Variants in EDDM13 observed in about 807,000 individuals in gnomAD.
EDDM13 encodes the protein epididymal protein 13.
In EDDM13, 24 loss-of-function variants were observed where a neutral mutation model predicts 17.8. That is an observed-to-expected ratio of 1.35 (90% CI 0.98 to 1.90). The LOEUF (loss-of-function observed/expected upper bound fraction) is 1.90, where lower values mean the gene tolerates loss of function less well. EDDM13 is among the 40% of genes most tolerant of loss of function. The pLI is 0.00. For synonymous variants in EDDM13, 31 were observed against 37.5 expected (o/e 0.83, Z 0.63); for missense variants, 97 against 100.8 (o/e 0.96, Z 0.16).
rs147221839 is a variant in EDDM13 at position 56,289,760 on chromosome 19, C to G, written c.226+869C>G. Among the ~76,000 whole-genome samples, 681 of 152,208 alleles carry G rather than the reference C, an allele frequency of 4.5e-3. 8 individuals are homozygous for G. Among genetic ancestry groups the G allele is most frequent in the African/African-American group, 0.016 (654 of 41,530 alleles). ...TCCTGAGTAGCTGAGACTACAGGTG[C>G]ACACCACCATACCCAGCTAATATTT... On this transcript the variant is annotated intron_variant, in intron 8 of 14. Coordinates refer to ENST00000649256, the MANE Select transcript of EDDM13 (RefSeq NM_001354658.2).
rs181987194 is a variant in EDDM13 at position 56,277,016 on chromosome 19, T to C, written c.103+907T>C. ...TCAACCTCATTAGCCATCAGAAAAA[T>C]GGAAGCCAAAGCCACAGTGAGGTAT... On this transcript the variant is annotated intron_variant, in intron 2 of 14. Transcript: ENST00000649256. Among the ~76,000 whole-genome samples the C allele has an allele frequency of 1.4e-3, 216 of 151,966 alleles. 4 individuals are homozygous for C. The South Asian group carries it at 0.031, about 22-fold the overall frequency.
At chr19:56,290,411 T>C (rs2039434249) in intron 8 of EDDM13, among the ~76,000 whole-genome samples, 1 of 152,256 alleles carries the variant, frequency 6.6e-6, no homozygotes, top group Non-Finnish European at 1.5e-5. Flanking sequence ...ATTTACTGTC[T>C]GACCCTTTAG....
intron 4 of EDDM13, 99 bp downstream of exon 4, chr19:56,282,598 C>A: frequency 2.9e-6 from 2 of 697,250 alleles, no homozygotes; most frequent in Non-Finnish European, 3.5e-6. Context: ...CTTCTCTGGT[C>A]TGTTCACAGC....
At chr19:56,284,052 C>G (rs2038917988) in intron 4 of EDDM13, 146 bp from the exon 5 acceptor site, 1 of 351,670 alleles carries the variant, frequency 2.8e-6, no homozygotes, top group African/African-American at 2.2e-5. Flanking sequence ...ATTCTACTTC[C>G]CAATCTGTTC....
chr19:56,302,590 T>C (rs2040387526), intron 13 of EDDM13, among the ~76,000 whole-genome samples: 1 of 34,214 alleles, frequency 2.9e-5, no homozygotes, highest in Non-Finnish European at 4.7e-5. Context: ...CCCCTTTTCT[T>C]CCTCTCCCTC....
chr19:56,289,218 C>T (rs1040946547), intron 8 of EDDM13, among the ~76,000 whole-genome samples: 1 of 152,172 alleles, frequency 6.6e-6, no homozygotes, highest in African/African-American at 2.4e-5. Flanking sequence ...TGGACAATTC[C>T]TAAATTTTAG....
rs1406422829 is a variant in EDDM13 at position 56,282,651 on chromosome 19, G to A, written c.118+152G>A. ...AACTAGTAAAACCAAGTGTGGAATTGTCCTTTGATGAACAACAACAACAAC... is the reference window on the plus strand; with the variant it reads ...AACTAGTAAAACCAAGTGTGGAATTATCCTTTGATGAACAACAACAACAAC... On this transcript the variant is annotated intron_variant, in intron 4 of 14. Transcript: ENST00000649256. Among the ~76,000 whole-genome samples the A allele has an allele frequency of 2.6e-5, 4 of 152,106 alleles. No homozygotes were observed. In the East Asian group the frequency reaches 7.7e-4, roughly 29 times the overall value.
intron 9 of EDDM13, among the ~76,000 whole-genome samples, chr19:56,291,495 C>G (rs577441623): frequency 1.7e-4 from 26 of 152,284 alleles, no homozygotes; most frequent in Admixed American, 1.4e-3. Context: ...TTGAGAACCA[C>G]AGGGTGGGAG....
chr19:56,279,618 A>T (rs2038531845), intron 2 of EDDM13, among the ~76,000 whole-genome samples: 1 of 152,212 alleles, frequency 6.6e-6, no homozygotes, highest in Non-Finnish European at 1.5e-5. Flanking sequence ...CTGGACCATC[A>T]TCATGAGAAT....
At chr19:56,290,731 T>C (rs1365125376) in intron 8 of EDDM13, among the ~76,000 whole-genome samples, 110 bp from the exon 9 acceptor site, 1 of 152,182 alleles carries the variant, frequency 6.6e-6, no homozygotes, top group Non-Finnish European at 1.5e-5. Context: ...AAAATAGTTT[T>C]ACGATATTGA....
At position 56,302,544 on chromosome 19, in the gene EDDM13, C is replaced by T. The variant is rs546641670; in HGVS notation, c.423+449C>T. On this transcript the variant is annotated intron_variant, in intron 13 of 14. Transcript: ENST00000649256. Reference sequence around the variant, plus strand: ...TCCCTCCCTCCCTCTTCTTCCTCCCCGTTCCTCCCTCCCTCCCCCCTTCCT... The same window carrying T: ...TCCCTCCCTCCCTCTTCTTCCTCCCTGTTCCTCCCTCCCTCCCCCCTTCCT... Among the ~76,000 whole-genome samples, 313 of 58,818 alleles carry T rather than the reference C, an allele frequency of 5.3e-3. 5 individuals carry two copies. Among genetic ancestry groups the T allele is most frequent in the Non-Finnish European group, 0.011 (246 of 23,346 alleles). 38.6% of individuals were successfully genotyped at this position (58,818 alleles called of 152,430 possible). A position where few individuals can be genotyped will look rare whatever the true frequency, so the allele number is the denominator to read the frequency against.
At chr19:56,305,126 C>T (rs767013617) in intron 14 of EDDM13, among the ~76,000 whole-genome samples, 7 of 152,140 alleles carry the variant, frequency 4.6e-5, no homozygotes, top group South Asian at 2.1e-4. Flanking sequence ...CCAACACACA[C>T]GACATAAAAT....
At position 56,300,628 on chromosome 19, in the gene EDDM13, A is replaced by C. The variant is rs1228942955; in HGVS notation, c.296-1340A>C. 3.2e-4 allele frequency among the ~76,000 whole-genome samples: 48 copies of C among 152,248 alleles called. 2 individuals are homozygous for C. Among genetic ancestry groups the C allele is most frequent in the Non-Finnish European group, 4.4e-5 (3 of 68,036 alleles). On this transcript the variant is annotated intron_variant, in intron 12 of 14. Transcript: ENST00000649256. ...AAACGTTGAAGAGAGAGAGACTTGC[A>C]ATGGCAAAATTTTCTAAAGTAAATG...
At chr19:56,309,695 C>T (rs1434760951) in intron 14 of EDDM13, among the ~76,000 whole-genome samples, 2 of 152,192 alleles carry the variant, frequency 1.3e-5, no homozygotes, top group African/African-American at 4.8e-5. Context: ...GGGGGTGCAG[C>T]CCAGCCAGGC....
rs1720721125 is a variant in EDDM13 at position 56,310,386 on chromosome 19, C to G, written c.*238C>G. 6.6e-6 allele frequency: 1 copy of G among 152,256 alleles called. No individual in the cohort carries two copies. Among genetic ancestry groups the G allele is most frequent in the African/African-American group, 2.4e-5 (1 of 41,468 alleles). The allele number at this position is 152,256 out of a possible 1,614,324, so 9.4% of individuals were successfully genotyped here. On this transcript the variant is annotated 3_prime_UTR_variant, in exon 15 of 15. Transcript: ENST00000649256. The stretch of plus-strand genomic sequence containing the variant: ...CAACTGCAGGAGTTTCCCCTAAAAT[C>G]TCTCCTCCAGATCGTTCTCGAACTT...
At chr19:56,292,932 A>C (rs191198634) in intron 9 of EDDM13, among the ~76,000 whole-genome samples, 2 of 152,330 alleles carry the variant, frequency 1.3e-5, no homozygotes, top group East Asian at 3.9e-4. Flanking sequence ...ACTCCATTGC[A>C]TGGATAGACT....
intron 10 of EDDM13, 166 bp from the exon 11 acceptor site, chr19:56,296,169 AG>A (rs2039858566): frequency 6.6e-6 from 1 of 152,594 alleles, no homozygotes; most frequent in Non-Finnish European, 1.5e-5. Context: ...TGTGTGGCAC[AG>A]GGGGGAGGTG....
chr19:56,276,904 T>C (rs1222767653), intron 2 of EDDM13, among the ~76,000 whole-genome samples: 1 of 151,932 alleles, frequency 6.6e-6, no homozygotes, highest in African/African-American at 2.4e-5. Context: ...AATATTTATA[T>C]TTACAAATAT....
chr19:56,281,332 G>A (rs1165034802), intron 2 of EDDM13, among the ~76,000 whole-genome samples: 2 of 147,862 alleles, frequency 1.4e-5, no homozygotes, highest in Admixed American at 1.4e-4. Context: ...GTTCAAACCT[G>A]TATTGTTCAA....
Sources: allele counts gnomAD v4.1 joint callset (sites outside exome capture counted in the v4.1 genomes callset), GRCh38; gene constraint gnomAD v4.1.1; transcripts MANE v1.5; gene names NCBI Gene and HGNC (gene_info 2026-07-23, HGNC 2026-07-21).